TRIM5: variants seen among roughly 807,000 people sequenced by gnomAD.
TRIM5 encodes the protein tripartite motif-containing protein 5.
In TRIM5, 31 loss-of-function variants were observed where a neutral mutation model predicts 35.6. The ratio of observed to expected loss-of-function variants is 0.87; its 90% CI spans 0.65 to 1.18. The LOEUF (loss-of-function observed/expected upper bound fraction) is 1.18. Ranked by LOEUF, TRIM5 falls within the 50% of genes most tolerant of loss-of-function variation. The pLI, the probability that TRIM5 is intolerant of heterozygous loss-of-function variation, is 0.00. For missense variants in TRIM5, 609 were observed against 591.6 expected (o/e 1.03, Z -0.31); for synonymous variants, 243 against 215.6 (o/e 1.13, Z -1.11).
In TRIM5 at chr11:5,679,852, TC is replaced by T; in HGVS notation, c.325del (p.Asp109ThrfsTer32). On this transcript the variant is annotated frameshift_variant, in exon 2 of 8. Coordinates refer to ENST00000380034, the MANE Select transcript of TRIM5 (RefSeq NM_033034.3). LOFTEE classifies it high-confidence loss of function. ...ACAAAGCCAGCAAATGACCTTCCCG[TC>T]CTCCTGACAGAAGAGTAGAAGTTTC... Reference protein sequence around the residue: ...GEKLLLFCQEDGKVICWLCER... With the variant: ...GEKLLLFCQEXGKVICWLCER... The T allele has an allele frequency of 6.2e-7, 1 of 1,613,564 alleles. No homozygotes were observed. The highest frequency in any genetic ancestry group is 8.5e-7 in the Non-Finnish European group (1 of 1,179,932).
chr11:5,631,293 A>G, the TRIM5 span, among the ~76,000 whole-genome samples: 1 of 152,300 alleles, frequency 6.6e-6, no homozygotes, highest in African/African-American at 2.4e-5. Context: ...CTGGATCCCA[A>G]TCTACTTCTT....
the TRIM5 span, among the ~76,000 whole-genome samples, chr11:5,644,834 T>C: frequency 6.6e-6 from 1 of 152,108 alleles, no homozygotes; most frequent in Non-Finnish European, 1.5e-5. Context: ...GTGTTGGAGG[T>C]GGGGCCTGGT....
At chr11:5,620,523 G>A in the TRIM5 span, among the ~76,000 whole-genome samples, 1 of 152,208 alleles carries the variant, frequency 6.6e-6, no homozygotes, top group Non-Finnish European at 1.5e-5. Flanking sequence ...TCTTGTGAGG[G>A]TTGCAGTAAT....
the TRIM5 span, among the ~76,000 whole-genome samples, chr11:5,627,353 C>T: frequency 1.3e-5 from 2 of 152,056 alleles, no homozygotes; most frequent in African/African-American, 4.8e-5. Context: ...ACACTCCAAC[C>T]TGGGTAACAA....
At chr11:5,593,563 A>T in the TRIM5 span, among the ~76,000 whole-genome samples, 1 of 152,182 alleles carries the variant, frequency 6.6e-6, no homozygotes, top group African/African-American at 2.4e-5. Flanking sequence ...CTATGAGAAT[A>T]TTCTGTGACC....
chr11:5,670,241 G>A (rs953669833), intron 4 of TRIM5, among the ~76,000 whole-genome samples: 2 of 132,362 alleles, frequency 1.5e-5, no homozygotes, highest in African/African-American at 5.8e-5. Flanking sequence ...GCAGTGGTGC[G>A]ATCTCAGCTC....
chr11:5,634,398 C>T, the TRIM5 span, among the ~76,000 whole-genome samples: 1 of 151,140 alleles, frequency 6.6e-6, no homozygotes, highest in Admixed American at 6.6e-5. Flanking sequence ...CCTCCAAGTA[C>T]CTCTATTGCT....
At chr11:5,612,213 T>C in the TRIM5 span, 1 of 152,228 alleles carries the variant, frequency 6.6e-6, no homozygotes, top group Non-Finnish European at 1.5e-5. Context: ...TGTAATATCT[T>C]TGCCAGGTTC....
chr11:5,634,530 CATATAT>C, the TRIM5 span: 33 of 261,986 alleles, frequency 1.3e-4, no homozygotes, highest in African/African-American at 9.9e-4. Flanking sequence ...CACACACACA[CATATAT>C]ATATATATAT....
intron 4 of TRIM5, among the ~76,000 whole-genome samples, chr11:5,675,925 C>G (rs568033886): frequency 9.4e-4 from 104 of 110,952 alleles, no homozygotes; most frequent in African/African-American, 2.8e-3. Flanking sequence ...TTGTTCAATT[C>G]CCACCTATGA....
At chr11:5,620,056 A>G in the TRIM5 span, 1 of 148,876 alleles carries the variant, frequency 6.7e-6, no homozygotes, top group African/African-American at 2.5e-5. Context: ...TTCTGTGTTT[A>G]CCTGTCTCTA....
At chr11:5,663,156 A>G, downstream of TRIM5, 2 of 758,522 alleles carry the variant, frequency 2.6e-6, no homozygotes, top group Non-Finnish European at 3.2e-6. Context: ...AAACAAACAA[A>G]CAAAAAAGCC....
chr11:5,632,821 CCTTT>C, the TRIM5 span: 2 of 1,189,816 alleles, frequency 1.7e-6, no homozygotes, highest in South Asian at 1.9e-5. Flanking sequence ...ACCTTTTCAT[CCTTT>C]TTTTTTTTTT....
chr11:5,640,378 TC>T, the TRIM5 span, among the ~76,000 whole-genome samples: 1 of 152,300 alleles, frequency 6.6e-6, no homozygotes, highest in East Asian at 1.9e-4. Flanking sequence ...TTTTTTCATG[TC>T]TATTGAGATC....
chr11:5,673,752 C>T (rs1851737056), intron 4 of TRIM5, among the ~76,000 whole-genome samples: 1 of 152,028 alleles, frequency 6.6e-6, no homozygotes, highest in Admixed American at 6.5e-5. Context: ...TTGAAATCCA[C>T]AGCAGAAGAA....
At chr11:5,620,843 A>T in the TRIM5 span, among the ~76,000 whole-genome samples, 1 of 152,224 alleles carries the variant, frequency 6.6e-6, no homozygotes, top group African/African-American at 2.4e-5. Flanking sequence ...GTGAGATAGC[A>T]AGGCAAAAGC....
At chr11:5,658,923 G>A (rs1031665835), downstream of TRIM5, among the ~76,000 whole-genome samples, 1 of 152,092 alleles carries the variant, frequency 6.6e-6, no homozygotes, top group Non-Finnish European at 1.5e-5. Flanking sequence ...AACACCGCAT[G>A]TTCTCACTTG....
the TRIM5 span, chr11:5,603,291 A>G: frequency 2.5e-6 from 4 of 1,614,088 alleles, no homozygotes; most frequent in Middle Eastern, 3.3e-4. Flanking sequence ...TTGGGCAGGC[A>G]GGAGCCAGGA....
At chr11:5,594,804 G>T in the TRIM5 span, among the ~76,000 whole-genome samples, 1 of 152,084 alleles carries the variant, frequency 6.6e-6, no homozygotes, top group African/African-American at 2.4e-5. Context: ...TGTATTCCAA[G>T]GGACTTAAAT....
Sources: gnomAD v4.1 joint callset for allele counts (sites outside exome capture counted in the v4.1 genomes callset) on GRCh38, gnomAD v4.1.1 for gene constraint, MANE v1.5 for transcripts, NCBI Gene and HGNC (gene_info 2026-07-23, HGNC 2026-07-21) for gene names.